Variants in DMTN observed in about 807,000 individuals in gnomAD.
The protein encoded by DMTN is dematin.
In DMTN, 27 loss-of-function variants were observed where a neutral mutation model predicts 59.4. The ratio of observed to expected loss-of-function variants is 0.45; its 90% confidence interval spans 0.33 to 0.63. DMTN has a LOEUF of 0.63. Among genes scored for constraint, DMTN ranks in the 20% least tolerant of loss-of-function variants. The probability of loss-of-function intolerance (pLI) is 0.02; values close to 1 mark genes in which losing one functional copy is unlikely to be tolerated. For missense variants in DMTN, 451 were observed against 528.9 expected (o/e 0.85, Z 1.45); for synonymous variants, 221 against 203.7 (o/e 1.08, Z -0.72).
At position 22,066,883 on chromosome 8, in the gene DMTN, G is replaced by C. The variant is rs929823832; in HGVS notation, c.8G>C (p.Arg3Pro). 9.2e-6 allele frequency: 12 copies of C among 1,308,756 alleles called. 1 individual carries two copies. The South Asian group carries it at 1.1e-4, about 12-fold the overall frequency. 81.1% of individuals were successfully genotyped at this position (1,308,756 alleles called of 1,614,324 possible). The change falls in exon 2 of 16, where the codon CGG (arginine) becomes CCG (proline). Residue 3 changes from arginine (R) to proline (P), a missense_variant. By Grantham distance (103) the Arg-to-Pro change is moderately radical. Coordinates refer to ENST00000358242, the MANE Select transcript of DMTN (RefSeq NM_001387751.1). ...GGGCGAGCTCCGTGCTGCATGGAAC[G>C]GCTGCAGAAGGTGCGCGGCGCCGCC... ME[R>P]LQKQPLTSPG...
chr8:22,054,189 C>G (rs151033974), upstream of DMTN, among the ~76,000 whole-genome samples: 1 of 152,206 alleles, frequency 6.6e-6, no homozygotes, highest in East Asian at 1.9e-4. Flanking sequence ...CTCCTCAGGT[C>G]GACAGAGGGA....
At position 22,082,241 on chromosome 8, in the gene DMTN, C is replaced by A; in HGVS notation, c.*778C>A. ...CCTGGCACATTTTGGAGTGTCCTGGCTACCAGCTCTCACCTACACCCACGC... is the reference window on the plus strand; with the variant it reads ...CCTGGCACATTTTGGAGTGTCCTGGATACCAGCTCTCACCTACACCCACGC... On this transcript the variant is annotated 3_prime_UTR_variant, in exon 16 of 16. Transcript: ENST00000358242. 1 of 457,000 alleles carries A rather than the reference C, an allele frequency of 2.2e-6. No individual in the cohort carries two copies. The highest frequency in any genetic ancestry group is 4.4e-6 in the Non-Finnish European group (1 of 227,042). 28.3% of individuals were successfully genotyped at this position (457,000 alleles called of 1,614,324 possible). A position where few individuals can be genotyped will look rare whatever the true frequency, so the allele number is the denominator to read the frequency against.
At chr8:22,076,407 T>C (rs148316055) in intron 10 of DMTN, among the ~76,000 whole-genome samples, 386 of 152,064 alleles carry the variant, frequency 2.5e-3, no homozygotes, top group African/African-American at 9.0e-3. Flanking sequence ...GAGTTCAAGA[T>C]CAGTCTGGGC....
In DMTN at chr8:22,081,403, G is replaced by A. The variant is rs771285385; in HGVS notation, c.1158G>A (p.Glu386=). ...FSRVFAMSPE[E]FGKLALWKRN... ...GGGTATTTGCCATGTCCCCTGAAGA[G>A]TTTGGCAAGCTGGCTCTGTGGAAGC... The change falls in exon 16 of 16, where the codon GAG becomes GAA. Residue 386 remains glutamate (E), a synonymous_variant. Transcript: ENST00000358242. 6.2e-7 allele frequency: 1 copy of A among 1,614,160 alleles called. No individual in the cohort carries two copies. The highest frequency in any genetic ancestry group is 8.5e-7 in the Non-Finnish European group (1 of 1,179,996).
chr8:22,069,399 C>T lies in DMTN; in HGVS notation c.295-20C>T, dbSNP rs1813405164. On this transcript the variant is annotated intron_variant, in intron 5 of 15. Coordinates refer to ENST00000358242, the MANE Select transcript of DMTN (RefSeq NM_001387751.1). ...TGGAGGGGGTTAGGGGCCCTGGAGC[C>T]ACACGCTTCTGCTCTGCAGGTGTGG... The T allele has an allele frequency of 1.2e-6, 2 of 1,604,800 alleles. No individual in the cohort carries two copies. Among genetic ancestry groups the T allele is most frequent in the East Asian group, 4.5e-5 (2 of 44,582 alleles).
At chr8:22,062,156 T>C (rs192848771) in intron 1 of DMTN, among the ~76,000 whole-genome samples, 1 of 151,934 alleles carries the variant, frequency 6.6e-6, no homozygotes, top group East Asian at 1.9e-4. Flanking sequence ...AGTGACATGA[T>C]CATAGCTCAC....
chr8:22,070,474 CCCCA>C, intron 8 of DMTN, 140 bp downstream of exon 8: 3 of 1,065,456 alleles, frequency 2.8e-6, no homozygotes, highest in Non-Finnish European at 3.9e-6. Flanking sequence ...CTTCAGGAGC[CCCCA>C]GGCTCCTTGC....
chr8:22,078,433 A>G (rs967876293), intron 10 of DMTN, among the ~76,000 whole-genome samples: 1 of 149,158 alleles, frequency 6.7e-6, no homozygotes, highest in African/African-American at 2.4e-5. Flanking sequence ...GAATATATAC[A>G]TATATATGTA....
chr8:22,054,512 A>AC (rs1442225354), upstream of DMTN, among the ~76,000 whole-genome samples: 1 of 151,664 alleles, frequency 6.6e-6, no homozygotes, highest in African/African-American at 2.4e-5. Context: ...TGCCGGAGCA[A>AC]CCCCTCTGGC....
intron 4 of DMTN, among the ~76,000 whole-genome samples, 177 bp downstream of exon 4, chr8:22,067,859 C>G (rs758374536): frequency 6.6e-6 from 1 of 152,212 alleles, no homozygotes. Context: ...GCAGGCAGAA[C>G]GGTCTCTGGG....
chr8:22,055,086 T>A (rs1396224964), upstream of DMTN: 2 of 152,528 alleles, frequency 1.3e-5, no homozygotes, highest in African/African-American at 4.8e-5. Context: ...TGCACTGGCT[T>A]CAATAGGAGG....
chr8:22,078,543 G>C (rs1215636414), intron 10 of DMTN, among the ~76,000 whole-genome samples: 2 of 151,390 alleles, frequency 1.3e-5, no homozygotes, highest in Admixed American at 1.3e-4. Flanking sequence ...GCCATTTCCA[G>C]CAATTGGAGG....
At chr8:22,068,632 A>G (rs750288986) in intron 4 of DMTN, among the ~76,000 whole-genome samples, 1 of 151,834 alleles carries the variant, frequency 6.6e-6, no homozygotes, top group Non-Finnish European at 1.5e-5. Context: ...GGAGAGAGAG[A>G]GGAAGGAAAG....
chr8:22,071,038 A>G (rs1180087106), intron 8 of DMTN, among the ~76,000 whole-genome samples: 1 of 152,166 alleles, frequency 6.6e-6, no homozygotes, highest in Non-Finnish European at 1.5e-5. Flanking sequence ...ACCCAGCTTC[A>G]TGGCAAGGTG....
In DMTN at chr8:22,081,654, C is replaced by A. The variant is rs1824346139; in HGVS notation, c.*191C>A. ...TTCTTCCCCCTCACAAGGCTGGGGG[C>A]CTCCTGCTCTCGTCCCTGGCCCTCC... On this transcript the variant is annotated 3_prime_UTR_variant, in exon 16 of 16. Transcript: ENST00000358242. 1 of 613,690 alleles carries A rather than the reference C, an allele frequency of 1.6e-6. No homozygotes were observed. Among genetic ancestry groups the A allele is most frequent in the Non-Finnish European group, 2.9e-6 (1 of 343,908 alleles). 38.0% of individuals were successfully genotyped at this position (613,690 alleles called of 1,614,324 possible).
chr8:22,063,915 T>C (rs769667694), intron 1 of DMTN, among the ~76,000 whole-genome samples: 2 of 152,272 alleles, frequency 1.3e-5, no homozygotes, highest in Non-Finnish European at 1.5e-5. Flanking sequence ...CTGACTCATC[T>C]TTCTGTTCTC....
intron 1 of DMTN, among the ~76,000 whole-genome samples, chr8:22,061,323 T>G (rs1269819057): frequency 2.0e-5 from 3 of 147,528 alleles, no homozygotes; most frequent in Non-Finnish European, 4.5e-5. Flanking sequence ...AAAGAAAAAA[T>G]GTGAACTGCC....
At chr8:22,080,893 G>A (rs368688577) in intron 14 of DMTN, 23 bp downstream of exon 14, 62 of 1,546,336 alleles carry the variant, frequency 4.0e-5, no homozygotes, top group East Asian at 9.1e-5. Flanking sequence ...GGACACAAGC[G>A]CCTGTAGCGG....
intron 1 of DMTN, among the ~76,000 whole-genome samples, chr8:22,064,765 G>T (rs570099127): frequency 6.6e-6 from 1 of 152,240 alleles, no homozygotes; most frequent in South Asian, 2.1e-4. Flanking sequence ...GCCTGCCAGA[G>T]TCTTCTTTTG....
Sources: allele counts gnomAD v4.1 joint callset (sites outside exome capture counted in the v4.1 genomes callset), GRCh38; gene constraint gnomAD v4.1.1; transcripts MANE v1.5; gene names NCBI Gene and HGNC (gene_info 2026-07-23, HGNC 2026-07-21).